The following PARN variants were observed in gnomAD, a reference collection of about 807,000 sequenced individuals.
PARN encodes poly(A)-specific ribonuclease, also known as poly(A)-specific ribonuclease PARN.
PARN carries 71 observed loss-of-function variants against 102.8 expected under a neutral mutation model. That is an observed-to-expected ratio of 0.69 (90% CI 0.57 to 0.84). The LOEUF (loss-of-function observed/expected upper bound fraction) is 0.84, where lower values mean the gene tolerates loss of function less well. Ranked by LOEUF, PARN falls within the 40% of genes least tolerant of loss-of-function variation. PARN has a pLI of 0.00. For synonymous variants in PARN, 261 were observed against 252.9 expected, an observed-to-expected ratio of 1.03 and a Z score of -0.30; for missense variants, 782 against 760.9, an observed-to-expected ratio of 1.03 and a Z score of -0.33.
intron 5 of PARN, among the ~76,000 whole-genome samples, chr16:14,625,695 G>T (rs1212107490): frequency 6.6e-6 from 1 of 152,004 alleles, no homozygotes; most frequent in Admixed American, 6.6e-5. Flanking sequence ...ATTAACTCTC[G>T]ATTTCATTTG....
chr16:14,531,055 T>G (rs1966300821), intron 21 of PARN, among the ~76,000 whole-genome samples: 2 of 152,118 alleles, frequency 1.3e-5, no homozygotes. Context: ...ACAGCTTACA[T>G]TTGTCAAAAG....
chr16:14,486,433 T>C (rs148437829), intron 21 of PARN, among the ~76,000 whole-genome samples: 3 of 152,316 alleles, frequency 2.0e-5, no homozygotes, highest in Non-Finnish European at 4.4e-5. Context: ...CTTGGGTCAA[T>C]ATTCCCCATG....
At chr16:14,626,952 C>T (rs1486271841) in intron 5 of PARN, among the ~76,000 whole-genome samples, 154 bp downstream of exon 5, 2 of 152,076 alleles carry the variant, frequency 1.3e-5, no homozygotes, top group African/African-American at 2.4e-5. Context: ...GAGGAGATAA[C>T]AGGGTCATGA....
At position 14,554,304 on chromosome 16, in the gene PARN, G is replaced by C. The variant is rs116473955; in HGVS notation, c.1319-153C>G. On this transcript the variant is annotated intron_variant, in intron 19 of 23. Transcript: ENST00000437198. Reference sequence around the variant, plus strand: ...ACTCCTAAAAGTATGCCTAGGATTGGTGGGATTCTGCCATGGTAATCTAGA... The same window carrying C: ...ACTCCTAAAAGTATGCCTAGGATTGCTGGGATTCTGCCATGGTAATCTAGA... 2.1e-3 allele frequency among the ~76,000 whole-genome samples: 317 copies of C among 152,272 alleles called. 1 individual carries two copies. Among genetic ancestry groups the C allele is most frequent in the African/African-American group, 7.3e-3 (302 of 41,558 alleles).
At chr16:14,579,909 G>A (rs1969404144) in intron 18 of PARN, among the ~76,000 whole-genome samples, 1 of 151,478 alleles carries the variant, frequency 6.6e-6, no homozygotes, top group African/African-American at 2.4e-5. Context: ...CCAGGAGGCA[G>A]ACATTGCCGT....
At chr16:14,531,775 T>C (rs1486726929) in intron 21 of PARN, among the ~76,000 whole-genome samples, 2 of 152,166 alleles carry the variant, frequency 1.3e-5, no homozygotes, top group Non-Finnish European at 2.9e-5. Context: ...GTTGACCAAC[T>C]TCGTACTCAA....
intron 21 of PARN, among the ~76,000 whole-genome samples, chr16:14,532,724 C>T (rs919837006): frequency 6.6e-6 from 1 of 151,714 alleles, no homozygotes; most frequent in Non-Finnish European, 1.5e-5. Context: ...AGGCGCCCCT[C>T]ACCTCCCGGG....
At chr16:14,497,830 A>G (rs1964394005) in intron 21 of PARN, among the ~76,000 whole-genome samples, 1 of 152,306 alleles carries the variant, frequency 6.6e-6, no homozygotes, top group South Asian at 2.1e-4. Flanking sequence ...TCATCTGATA[A>G]AAGAATTTAC....
chr16:14,506,892 A>C (rs1964922196), intron 21 of PARN, among the ~76,000 whole-genome samples: 1 of 152,236 alleles, frequency 6.6e-6, no homozygotes, highest in Non-Finnish European at 1.5e-5. Context: ...TCTAACTCCA[A>C]AAACAAACAA....
intron 21 of PARN, among the ~76,000 whole-genome samples, chr16:14,503,321 G>A (rs1964719232): frequency 6.6e-6 from 1 of 152,182 alleles, no homozygotes; most frequent in Admixed American, 6.5e-5. Context: ...AGAGCTGTAA[G>A]GAGTTCTCTG....
chr16:14,574,599 G>A (rs1969001862), intron 18 of PARN, among the ~76,000 whole-genome samples: 1 of 152,090 alleles, frequency 6.6e-6, no homozygotes, highest in African/African-American at 2.4e-5. Flanking sequence ...TGTAATCCCA[G>A]CTACTCAGGA....
At chr16:14,522,007 T>C (rs1481918600) in intron 21 of PARN, among the ~76,000 whole-genome samples, 1 of 152,226 alleles carries the variant, frequency 6.6e-6, no homozygotes, top group East Asian at 1.9e-4. Flanking sequence ...AGGCTACTCC[T>C]TGTAGTCTAG....
Position 14,584,471 on chromosome 16 carries a change from A to G in PARN, c.1006-49T>C, listed in dbSNP as rs187873135. The G allele has an allele frequency of 6.3e-4, 917 of 1,463,298 alleles. 1 individual carries two copies. The highest frequency in any genetic ancestry group is 1.2e-3 in the Admixed American group (70 of 58,036). The allele number at this position is 1,463,298 out of a possible 1,614,324, so 90.6% of individuals were successfully genotyped here. A position where few individuals can be genotyped will look rare whatever the true frequency, so the allele number is the denominator to read the frequency against. On this transcript the variant is annotated intron_variant, in intron 15 of 23. Transcript: ENST00000437198. Reference sequence around the variant, plus strand: ...TATGAGATTTCATCATCTCAGAACAATATATTAAAGAGATTCACTGACCCC... The same window carrying G: ...TATGAGATTTCATCATCTCAGAACAGTATATTAAAGAGATTCACTGACCCC...
chr16:14,509,407 C>T (rs1439452527), intron 21 of PARN, among the ~76,000 whole-genome samples: 1 of 152,174 alleles, frequency 6.6e-6, no homozygotes, highest in Non-Finnish European at 1.5e-5. Context: ...CTTTATTTAA[C>T]AAGTGTGACT....
intron 3 of PARN, 48 bp downstream of exon 3, chr16:14,628,124 G>A (rs1206881611): frequency 1.9e-6 from 2 of 1,048,430 alleles, no homozygotes; most frequent in Admixed American, 1.8e-5. Flanking sequence ...TTTAACATAA[G>A]GAAGACTAAC....
At chr16:14,548,413 T>C (rs1967093196) in intron 21 of PARN, among the ~76,000 whole-genome samples, 1 of 152,132 alleles carries the variant, frequency 6.6e-6, no homozygotes, top group Admixed American at 6.6e-5. Flanking sequence ...GTTACATCCA[T>C]CACATGCAAA....
intron 21 of PARN, among the ~76,000 whole-genome samples, chr16:14,523,913 G>T (rs569261716): frequency 2.0e-4 from 30 of 151,814 alleles, no homozygotes; most frequent in African/African-American, 6.8e-4. Flanking sequence ...CCTACTACAC[G>T]CCTGGGCTAT....
intron 12 of PARN, among the ~76,000 whole-genome samples, chr16:14,593,949 A>G (rs1265706506): frequency 6.6e-6 from 1 of 152,080 alleles, no homozygotes; most frequent in East Asian, 1.9e-4. Context: ...GTGAGCCAAG[A>G]TTGCACCACT....
Position 14,597,896 on chromosome 16 carries a change from T to C in PARN, c.840+2008A>G, listed in dbSNP as rs990939117. Among the ~76,000 whole-genome samples, 4 of 151,844 alleles carry C rather than the reference T, an allele frequency of 2.6e-5. 1 individual carries two copies. Among genetic ancestry groups the C allele is most frequent in the South Asian group, 4.2e-4 (2 of 4,816 alleles). On this transcript the variant is annotated intron_variant, in intron 12 of 23. Coordinates refer to ENST00000437198, the MANE Select transcript of PARN (RefSeq NM_002582.4). ...TGGTGGCTCACACCTGTAAACCCAG[T>C]ATCTTGGGAGGCTGAAGAAGGCAGA...
Sources: gnomAD v4.1 joint callset for allele counts (sites outside exome capture counted in the v4.1 genomes callset) on GRCh38, gnomAD v4.1.1 for gene constraint, MANE v1.5 for transcripts, NCBI Gene and HGNC (gene_info 2026-07-23, HGNC 2026-07-21) for gene names.